Variants in HTR2C observed in about 807,000 individuals in gnomAD.
The protein encoded by HTR2C is 5-hydroxytryptamine receptor 2C.
HTR2C carries 5 observed loss-of-function variants against 21.0 expected under a neutral mutation model. The observed-to-expected ratio is 0.24, with a 90% confidence interval of 0.12 to 0.50. HTR2C has a LOEUF of 0.50. HTR2C is among the 20% of genes least tolerant of loss of function. The pLI, the probability that HTR2C is intolerant of heterozygous loss-of-function variation, is 0.98. For missense variants in HTR2C, 271 were observed against 371.2 expected (o/e 0.73, Z 2.22); for synonymous variants, 150 against 145.3 (o/e 1.03, Z -0.23).
At chrX:114,588,615 T>C (rs1556390309) in intron 1 of HTR2C, among the ~76,000 whole-genome samples, 1 of 92,003 alleles carries the variant, frequency 1.1e-5, no homozygotes. Flanking sequence ...GGATTTCCTT[T>C]ACTTTTTCAT....
intron 1 of HTR2C, among the ~76,000 whole-genome samples, chrX:114,605,507 G>C (rs782121702): frequency 9.0e-5 from 10 of 111,030 alleles, no homozygotes; most frequent in African/African-American, 3.0e-4. Flanking sequence ...ACTAGGAAGG[G>C]ACTGACGTGT....
At chrX:114,876,694 G>A (rs1419377223) in intron 5 of HTR2C, among the ~76,000 whole-genome samples, 1 of 109,971 alleles carries the variant, frequency 9.1e-6, no homozygotes, top group Non-Finnish European at 1.9e-5. Flanking sequence ...TATTGAGATC[G>A]ATCATATTTT....
intron 4 of HTR2C, among the ~76,000 whole-genome samples, chrX:114,793,851 A>G (rs955690494): frequency 1.1e-4 from 12 of 110,981 alleles, no homozygotes; most frequent in African/African-American, 3.6e-4. Context: ...ATATAAACAG[A>G]CATAAAGCTT....
intron 2 of HTR2C, among the ~76,000 whole-genome samples, chrX:114,702,419 G>A (rs1932561861): frequency 9.1e-6 from 1 of 109,865 alleles, no homozygotes. Flanking sequence ...CATTCTTAAA[G>A]AAAAGAATTT....
At position 114,896,107 on chromosome X, in the gene HTR2C, G is replaced by A. The variant is rs782498376; in HGVS notation, c.551-10482G>A. Among the ~76,000 whole-genome samples the A allele has an allele frequency of 7.4e-4, 82 of 111,302 alleles. No homozygotes were observed. The East Asian group carries it at 7.6e-3, about 10-fold the overall frequency. The stretch of plus-strand genomic sequence containing the variant: ...AATTTTTCTTGTGATTTCTTTTTTG[G>A]CACATGAGCTATTTAGATGGTTGTA... On this transcript the variant is annotated intron_variant, in intron 5 of 5. Coordinates refer to ENST00000276198, the MANE Select transcript of HTR2C (RefSeq NM_000868.4).
chrX:114,806,422 TGTATATATATACACCA>T (rs2070438855), intron 4 of HTR2C, among the ~76,000 whole-genome samples: 1 of 39,792 alleles, frequency 2.5e-5, no homozygotes, highest in East Asian at 1.2e-3. Context: ...ATATATATAC[TGTATATATATACACCA>T]TATATATATA....
rs781809050 is a variant in HTR2C, at chrX:114,907,658, A to AT, written c.*248dup. The AT allele has an allele frequency of 2.1e-5, 6 of 289,361 alleles. No individual in the cohort carries two copies. The highest frequency in any genetic ancestry group is 3.6e-5 in the Non-Finnish European group (6 of 165,874). The allele number at this position is 289,361 out of a possible 1,213,427, so 23.8% of individuals were successfully genotyped here. On this transcript the variant is annotated 3_prime_UTR_variant, in exon 6 of 6. Transcript: ENST00000276198. ...TGATTGTTTGATGAATAAAATGTTT[A>AT]TTTTTGCTCTCCCTCCCTTCTTTCC... is the stretch of plus-strand genomic sequence containing the variant.
intron 4 of HTR2C, among the ~76,000 whole-genome samples, chrX:114,822,017 T>G (rs1008720353): frequency 9.1e-6 from 1 of 110,047 alleles, no homozygotes; most frequent in African/African-American, 3.3e-5. Flanking sequence ...TAGATAATTT[T>G]TGTATTTTTA....
At chrX:114,835,428 C>T (rs2070772360) in intron 4 of HTR2C, among the ~76,000 whole-genome samples, 1 of 106,078 alleles carries the variant, frequency 9.4e-6, no homozygotes, top group African/African-American at 3.4e-5. Context: ...TTTCTCTAAA[C>T]TTCCCTTCTC....
At chrX:114,774,732 C>A (rs1433109717) in intron 4 of HTR2C, 1 of 311,182 alleles carries the variant, frequency 3.2e-6, no homozygotes. Context: ...ACTACAGCAG[C>A]TGAACTTTTA....
chrX:114,621,368 A>G lies in HTR2C; in HGVS notation c.-80+7487A>G, dbSNP rs782684498. Among the ~76,000 whole-genome samples the G allele has an allele frequency of 8.0e-5, 9 of 112,545 alleles. No homozygotes were observed. The South Asian group carries it at 2.9e-3, about 37-fold the overall frequency. ...TGTAGCTTGAAGTCAGCCACAGACAACATATGAATGAGTGAGTGGGGCTGG... is the reference window on the plus strand; with the variant it reads ...TGTAGCTTGAAGTCAGCCACAGACAGCATATGAATGAGTGAGTGGGGCTGG... On this transcript the variant is annotated intron_variant, in intron 2 of 5. Transcript: ENST00000276198.
At chrX:114,834,989 T>A (rs2070767238) in intron 4 of HTR2C, among the ~76,000 whole-genome samples, 1 of 99,652 alleles carries the variant, frequency 1.0e-5, no homozygotes, top group South Asian at 5.3e-4. Context: ...GGATATGAAA[T>A]TCTGGGTTGA....
chrX:114,744,393 C>CAAATTATT (rs1211440802), intron 4 of HTR2C, among the ~76,000 whole-genome samples: 3 of 104,921 alleles, frequency 2.9e-5, no homozygotes, highest in African/African-American at 1.0e-4. Context: ...GTTCAGAGCA[C>CAAATTATT]AAATTATTAA....
intron 1 of HTR2C, among the ~76,000 whole-genome samples, chrX:114,597,015 C>T (rs1264439127): frequency 1.1e-4 from 12 of 109,752 alleles, no homozygotes; most frequent in African/African-American, 3.3e-4. Flanking sequence ...GCCAGGAGTT[C>T]GAGACCAGCC....
At chrX:114,709,962 C>A (rs1932867230) in intron 2 of HTR2C, among the ~76,000 whole-genome samples, 1 of 111,613 alleles carries the variant, frequency 9.0e-6, no homozygotes, top group Non-Finnish European at 1.9e-5. Flanking sequence ...ACTAGTGAGA[C>A]ACTGATCATC....
At chrX:114,615,351 C>T (rs1344010066) in intron 2 of HTR2C, among the ~76,000 whole-genome samples, 1 of 105,772 alleles carries the variant, frequency 9.5e-6, no homozygotes, top group African/African-American at 3.4e-5. Context: ...CTATCAACAG[C>T]TTTCCAGAGG....
chrX:114,740,683 T>A (rs1233226876), intron 4 of HTR2C, among the ~76,000 whole-genome samples: 5 of 111,906 alleles, frequency 4.5e-5, no homozygotes, highest in Admixed American at 3.8e-4. Flanking sequence ...AGAATCCAAA[T>A]AACTTAATTC....
chrX:114,829,034 G>C (rs1477864164), intron 4 of HTR2C, among the ~76,000 whole-genome samples: 1 of 111,676 alleles, frequency 9.0e-6, no homozygotes, highest in Non-Finnish European at 1.9e-5. Context: ...CCACTATAAA[G>C]AGTCATGTCA....
At chrX:114,794,946 C>T (rs1293333421) in intron 4 of HTR2C, among the ~76,000 whole-genome samples, 17 of 109,017 alleles carry the variant, frequency 1.6e-4, no homozygotes, top group Non-Finnish European at 2.7e-4. Context: ...CCTGAGGAAT[C>T]GCCACACTGA....
Sources: gnomAD v4.1 joint callset for allele counts (sites outside exome capture counted in the v4.1 genomes callset) on GRCh38, gnomAD v4.1.1 for gene constraint, MANE v1.5 for transcripts, NCBI Gene and HGNC (gene_info 2026-07-23, HGNC 2026-07-21) for gene names.